Variants in CHLSN observed in about 807,000 individuals in gnomAD.
CHLSN encodes protein cholesin.
the CHLSN span, among the ~76,000 whole-genome samples, chr7:1,015,177 C>T: frequency 6.6e-6 from 1 of 152,170 alleles, no homozygotes; most frequent in African/African-American, 2.4e-5. Context: ...TGGGTGGCTC[C>T]TGGGTCCCTG....
chr7:1,007,919 C>T, the CHLSN span, among the ~76,000 whole-genome samples: 2 of 152,116 alleles, frequency 1.3e-5, no homozygotes, highest in Non-Finnish European at 2.9e-5. Context: ...AGGGTGAAGA[C>T]CAGGGAGTGG....
the CHLSN span, among the ~76,000 whole-genome samples, chr7:1,073,835 G>C: frequency 1.5e-5 from 1 of 66,226 alleles, no homozygotes; most frequent in African/African-American, 6.7e-5. Flanking sequence ...CTGCTGCCGT[G>C]ATGTTCCCCC....
At chr7:1,053,799 C>A in the CHLSN span, among the ~76,000 whole-genome samples, 1 of 152,160 alleles carries the variant, frequency 6.6e-6, no homozygotes, top group Admixed American at 6.5e-5. Context: ...TGCACTCCAG[C>A]CTGGGCAACA....
the CHLSN span, among the ~76,000 whole-genome samples, chr7:1,004,700 G>A: frequency 6.6e-6 from 1 of 152,332 alleles, no homozygotes; most frequent in Admixed American, 6.5e-5. Context: ...AGTGATGGCC[G>A]CCTCTGCCAC....
the CHLSN span, chr7:1,058,133 G>T: frequency 1.3e-6 from 1 of 751,340 alleles, no homozygotes. Context: ...CCCTCTACGC[G>T]CTGGTGCTAC....
chr7:1,071,316 T>C, the CHLSN span, among the ~76,000 whole-genome samples: 3 of 151,904 alleles, frequency 2.0e-5, no homozygotes, highest in African/African-American at 7.2e-5. Flanking sequence ...AAAGAAACTT[T>C]AATAAACGAT....
At chr7:1,041,414 G>T in the CHLSN span, among the ~76,000 whole-genome samples, 1 of 147,674 alleles carries the variant, frequency 6.8e-6, no homozygotes, top group African/African-American at 2.5e-5. Context: ...CGGGGAACGG[G>T]ACCTGGGGTC....
chr7:1,059,860 CGGGTCTGTAGTGGGGCGGGTCCGTAGT>C, the CHLSN span, among the ~76,000 whole-genome samples: 1 of 10,094 alleles, frequency 9.9e-5, no homozygotes, highest in Non-Finnish European at 1.8e-4. Context: ...CGTAGTGGGG[CGGGTCTGTAGTGGGGCGGGTCCGTAGT>C]GAGGCGGGTC....
the CHLSN span, among the ~76,000 whole-genome samples, chr7:1,101,952 G>A: frequency 0.025 from 3,817 of 152,350 alleles, 72 homozygotes; most frequent in Admixed American, 0.037. Context: ...CAGGCCAGCC[G>A]AGCCAGGAAC....
chr7:1,091,440 G>A, the CHLSN span: 3 of 433,318 alleles, frequency 6.9e-6, no homozygotes, highest in African/African-American at 2.0e-5. Context: ...ACGCGGGACT[G>A]TGCACGGTGG....
At chr7:1,040,581 A>G in the CHLSN span, among the ~76,000 whole-genome samples, 11 of 152,222 alleles carry the variant, frequency 7.2e-5, no homozygotes, top group Admixed American at 7.2e-4. Context: ...TCAAATGTAA[A>G]ACTATAAAAC....
chr7:1,102,577 A>AC, the CHLSN span, among the ~76,000 whole-genome samples: 5,114 of 149,244 alleles, frequency 0.034, 284 homozygotes, highest in African/African-American at 0.12. Context: ...TGTTTTTAAA[A>AC]TTTTTTTTTT....
At chr7:1,122,502 C>G in the CHLSN span, among the ~76,000 whole-genome samples, 4 of 152,190 alleles carry the variant, frequency 2.6e-5, no homozygotes, top group African/African-American at 9.7e-5. Flanking sequence ...AACAGAGAAG[C>G]TAAGGGTCCC....
the CHLSN span, among the ~76,000 whole-genome samples, chr7:1,004,195 C>T: frequency 8.1e-3 from 1,232 of 152,228 alleles, 11 homozygotes; most frequent in African/African-American, 0.029. Flanking sequence ...ATGGCCGACC[C>T]GGCCAGCGTG....
At chr7:1,023,913 T>A in the CHLSN span, among the ~76,000 whole-genome samples, 3 of 152,184 alleles carry the variant, frequency 2.0e-5, no homozygotes, top group East Asian at 3.9e-4. The surrounding 1 kb of genome is among the most constrained non-coding windows in gnomAD (Gnocchi z 5.0). Flanking sequence ...CCATCACAGT[T>A]TACTGCAGCC....
At chr7:1,058,337 G>A in the CHLSN span, 1 of 778,356 alleles carries the variant, frequency 1.3e-6, no homozygotes, top group Non-Finnish European at 2.4e-6. Context: ...TGGGGCTACT[G>A]CACTTTGTGA....
the CHLSN span, chr7:988,579 T>G: frequency 6.3e-7 from 1 of 1,596,800 alleles, no homozygotes. Context: ...TCCCCACCCC[T>G]CCCCTCCAGG....
chr7:1,025,472 G>A, the CHLSN span: 2 of 152,444 alleles, frequency 1.3e-5, no homozygotes, highest in Non-Finnish European at 2.9e-5. Flanking sequence ...CACAAGTCAG[G>A]TCAGGGAGGG....
chr7:1,082,718 G>C, the CHLSN span, among the ~76,000 whole-genome samples: 1 of 152,210 alleles, frequency 6.6e-6, no homozygotes, highest in East Asian at 1.9e-4. Context: ...CCTGTGTCCA[G>C]CTCCTGCCAC....
Sources: allele counts gnomAD v4.1 joint callset (sites outside exome capture counted in the v4.1 genomes callset), GRCh38; gene constraint gnomAD v4.1.1; non-coding constraint Gnocchi (gnomAD v3.1); transcripts MANE v1.5; gene names NCBI Gene and HGNC (gene_info 2026-07-23, HGNC 2026-07-21).